PPP6R2: variants seen among roughly 807,000 people sequenced by gnomAD.
The protein encoded by PPP6R2 is protein phosphatase 6 regulatory subunit 2.
In PPP6R2, 62 loss-of-function variants were observed where a neutral mutation model predicts 100.2. That is an observed-to-expected ratio of 0.62 (90% CI 0.50 to 0.76). The LOEUF is 0.76. Among genes scored for constraint, PPP6R2 ranks in the 30% least tolerant of loss-of-function variants. The pLI is 0.00. For synonymous variants in PPP6R2, 525 were observed against 514.7 expected (o/e 1.02, Z -0.27); for missense variants, 1,142 against 1,276.3 (o/e 0.89, Z 1.60).
At chr22:50,427,821 C>A (rs1336385907) in intron 10 of PPP6R2, among the ~76,000 whole-genome samples, 1 of 152,208 alleles carries the variant, frequency 6.6e-6, no homozygotes, top group Non-Finnish European at 1.5e-5. Context: ...CCCAGGTTCA[C>A]GCCATTCTCC....
intron 14 of PPP6R2, 77 bp downstream of exon 14, chr22:50,436,529 A>T: frequency 7.0e-7 from 1 of 1,437,088 alleles, no homozygotes; most frequent in Non-Finnish European, 9.6e-7. Context: ...CTTTGCCCTG[A>T]GGCAGAGGCC....
intron 19 of PPP6R2, among the ~76,000 whole-genome samples, chr22:50,439,099 G>A (rs112991325): frequency 1.3e-5 from 2 of 152,138 alleles, no homozygotes; most frequent in Non-Finnish European, 2.9e-5. Context: ...AGCACAGGCC[G>A]GCCGCCACCT....
rs749564224 is a variant in PPP6R2, at chr22:50,431,396, G to C, written c.1335+14G>C. ...ATGGTGACCCACGTGAGTCCAAGAA[G>C]CATCCATCTTATCAGCGCCAACTGC... On this transcript the variant is annotated intron_variant, in intron 11 of 23. Coordinates refer to ENST00000612753, the MANE Select transcript of PPP6R2 (RefSeq NM_001242898.2). This position sits in a 1 kb window ranked among gnomAD's most constrained non-coding sequence, Gnocchi z 4.8. The C allele has an allele frequency of 1.1e-5, 18 of 1,608,906 alleles. No individual in the cohort carries two copies. The highest frequency in any genetic ancestry group is 1.4e-5 in the Non-Finnish European group (17 of 1,178,634).
chr22:50,371,844 C>G (rs918381386), intron 1 of PPP6R2, among the ~76,000 whole-genome samples, 176 bp from the exon 2 acceptor site: 3 of 152,110 alleles, frequency 2.0e-5, no homozygotes, highest in Non-Finnish European at 4.4e-5. Context: ...TTCCATGTCA[C>G]CCAAGCTAGT....
At chr22:50,338,687 GGT>G (rs547084774), upstream of PPP6R2, among the ~76,000 whole-genome samples, 188 of 138,240 alleles carry the variant, frequency 1.4e-3, 1 homozygote, top group African/African-American at 5.0e-3. Flanking sequence ...TGTAGTATGT[GGT>G]GTGTGTGGTG....
chr22:50,435,047 C>T lies in PPP6R2; in HGVS notation c.1482C>T (p.Gly494=). Residue 494 remains glycine (G), a synonymous_variant, in exon 13 of 24, where the codon GGC becomes GGT. Transcript: ENST00000612753. The part of the protein sequence containing the change: ...ANAVVQNLER[G]PVQTHISEVI... The stretch of plus-strand genomic sequence containing the variant: ...CGGTGGTGCAGAACCTGGAGCGGGG[C>T]CCTGTGCAGACGCACATCAGCGAGG... 6.3e-7 allele frequency: 1 copy of T among 1,593,112 alleles called. No individual in the cohort carries two copies. The highest frequency in any genetic ancestry group is 8.6e-7 in the Non-Finnish European group (1 of 1,168,622).
intron 12 of PPP6R2, among the ~76,000 whole-genome samples, chr22:50,434,591 G>C (rs1296888754): frequency 9.7e-6 from 1 of 102,610 alleles, no homozygotes; most frequent in African/African-American, 4.1e-5. Context: ...GAGGAGGGCC[G>C]GGGGCATGGA....
At chr22:50,437,480 T>TGCCAGCC in intron 15 of PPP6R2, 26 bp from the exon 16 acceptor site, 3 of 728,370 alleles carry the variant, frequency 4.1e-6, no homozygotes, top group Admixed American at 3.9e-5. Context: ...TGTCTGTCCG[T>TGCCAGCC]CCCTCCCTCC....
At chr22:50,338,152 T>G in the PPP6R2 span, among the ~76,000 whole-genome samples, 29,413 of 141,690 alleles carry the variant, frequency 0.21, 3,066 homozygotes, top group South Asian at 0.37. Context: ...GTGTGTGTGG[T>G]ATGTGTGTGC....
At chr22:50,340,509 GTGTGT>G (rs1569219578), upstream of PPP6R2, among the ~76,000 whole-genome samples, 6 of 91,850 alleles carry the variant, frequency 6.5e-5, no homozygotes, top group African/African-American at 5.3e-4. Flanking sequence ...GGTGTGGTGT[GTGTGT>G]GGTGTGTGTG....
intron 2 of PPP6R2, among the ~76,000 whole-genome samples, chr22:50,374,051 T>G (rs557227754): frequency 5.9e-4 from 90 of 152,168 alleles, no homozygotes; most frequent in Non-Finnish European, 1.0e-3. Context: ...ATGGCTAATT[T>G]AAAAACAATT....
At chr22:50,360,275 T>A (rs1264541564) in intron 1 of PPP6R2, among the ~76,000 whole-genome samples, 1 of 151,864 alleles carries the variant, frequency 6.6e-6, no homozygotes, top group Admixed American at 6.6e-5. Flanking sequence ...ATGGTCTTGA[T>A]CTCTTGACCT....
chr22:50,359,959 T>C (rs1170690195), intron 1 of PPP6R2, among the ~76,000 whole-genome samples: 1 of 152,192 alleles, frequency 6.6e-6, no homozygotes, highest in African/African-American at 2.4e-5. Flanking sequence ...CAGCTTTTGT[T>C]TGTCTTAAAA....
intron 1 of PPP6R2, among the ~76,000 whole-genome samples, chr22:50,368,359 C>T (rs1287004580): frequency 6.6e-6 from 1 of 152,190 alleles, no homozygotes; most frequent in Non-Finnish European, 1.5e-5. Context: ...GGCGCTACCA[C>T]TAGACCAAGG....
intron 2 of PPP6R2, chr22:50,393,450 G>A: frequency 1.0e-6 from 1 of 985,118 alleles, no homozygotes; most frequent in Non-Finnish European, 1.2e-6. Context: ...TGACACATGG[G>A]AGAGACACCT....
chr22:50,361,605 T>C (rs1190991547), intron 1 of PPP6R2, among the ~76,000 whole-genome samples: 1 of 152,022 alleles, frequency 6.6e-6, no homozygotes, highest in Non-Finnish European at 1.5e-5. Flanking sequence ...TTGACAATGC[T>C]TTTTATCTAG....
intron 2 of PPP6R2, among the ~76,000 whole-genome samples, chr22:50,378,166 A>G (rs1294510836): frequency 6.6e-6 from 1 of 152,244 alleles, no homozygotes; most frequent in African/African-American, 2.4e-5. Flanking sequence ...AGCAGTAAGA[A>G]TGATGGCTGA....
chr22:50,389,516 A>G (rs1046848956), intron 2 of PPP6R2, among the ~76,000 whole-genome samples: 8 of 151,698 alleles, frequency 5.3e-5, no homozygotes, highest in Admixed American at 5.3e-4. Context: ...GTGCCATTGC[A>G]GTGAACTCTT....
intron 1 of PPP6R2, among the ~76,000 whole-genome samples, chr22:50,349,375 A>C (rs2044489483): frequency 6.7e-6 from 1 of 150,212 alleles, no homozygotes; most frequent in Non-Finnish European, 1.5e-5. Context: ...AAAAAAAAAA[A>C]AAAAAAAAAC....
Sources: gnomAD v4.1 joint callset for allele counts (sites outside exome capture counted in the v4.1 genomes callset) on GRCh38, gnomAD v4.1.1 for gene constraint, Gnocchi (gnomAD v3.1) non-coding constraint, MANE v1.5 for transcripts, NCBI Gene and HGNC (gene_info 2026-07-23, HGNC 2026-07-21) for gene names.